MEGF11: variants seen among roughly 807,000 people sequenced by gnomAD.
MEGF11 encodes multiple EGF like domains 11.
MEGF11 carries 126 observed loss-of-function variants against 146.6 expected under a neutral mutation model. The observed-to-expected ratio is 0.86, with a 90% CI of 0.74 to 1.00. The LOEUF is 1.00. MEGF11 is among the 50% of genes least tolerant of loss of function. The pLI, the probability that MEGF11 is intolerant of heterozygous loss-of-function variation, is 0.00. For synonymous variants in MEGF11, 532 were observed against 583.4 expected (o/e 0.91, Z 1.27); for missense variants, 1,509 against 1,521.2 (o/e 0.99, Z 0.13).
chr15:66,140,640 C>T (rs145200825), intron 1 of MEGF11, among the ~76,000 whole-genome samples: 109 of 152,246 alleles, frequency 7.2e-4, no homozygotes, highest in African/African-American at 2.2e-3. Context: ...GTAGGAAGAA[C>T]GGGAGGCAAG....
intron 4 of MEGF11, among the ~76,000 whole-genome samples, chr15:66,101,283 C>T (rs1481938393): frequency 2.0e-5 from 3 of 152,126 alleles, no homozygotes; most frequent in South Asian, 4.1e-4. Flanking sequence ...CGGACGGCTG[C>T]CCTCTCATCT....
In MEGF11 at chr15:65,982,320, G is replaced by C. The variant is rs1417477674; in HGVS notation, c.563C>G (p.Pro188Arg). 1 of 1,530,852 alleles carries C rather than the reference G, an allele frequency of 6.5e-7. No homozygotes were observed. The allele number at this position is 1,530,852 out of a possible 1,614,324, so 94.8% of individuals were successfully genotyped here. A position where few individuals can be genotyped will look rare whatever the true frequency, so the allele number is the denominator to read the frequency against. Residue 188 changes from proline (P) to arginine (R), a missense_variant, in exon 6 of 26, where the codon CCG becomes CGG. By Grantham distance (103) the Pro-to-Arg change is moderately radical (BLOSUM62 -2). Transcript: ENST00000395614. The surrounding 1 kb of genome is among the most constrained non-coding windows in gnomAD (Gnocchi z 5.6). ...PGTHGKGCQLPCQCRHGASCD... is the reference protein window; with the variant it reads ...PGTHGKGCQLRCQCRHGASCD... ...GCTGGCACCGTGTCGGCACTGGCAC[G>C]GCAGCTGGCATCCCTTGCCGTGGGT...
At chr15:65,939,260 T>TGGA (rs1241581793) in intron 10 of MEGF11, among the ~76,000 whole-genome samples, 1 of 152,108 alleles carries the variant, frequency 6.6e-6, no homozygotes, top group Non-Finnish European at 1.5e-5. Context: ...ATCCTTTTGT[T>TGGA]GGAGGAGTAG....
intron 15 of MEGF11, among the ~76,000 whole-genome samples, chr15:65,919,320 C>T (rs928552008): frequency 6.6e-6 from 1 of 152,230 alleles, no homozygotes; most frequent in South Asian, 2.1e-4. Context: ...GCACCAGACA[C>T]TGTTCAATGT....
chr15:66,135,770 G>T (rs1448075021), intron 1 of MEGF11, among the ~76,000 whole-genome samples: 16 of 152,188 alleles, frequency 1.1e-4, no homozygotes, highest in Non-Finnish European at 2.9e-5. Flanking sequence ...GGCTCAGAGA[G>T]CCATACTTCC....
At chr15:66,082,445 AAAAAAAAAAAAAAAAAAAAAAATCT>A (rs2085901744) in intron 5 of MEGF11, among the ~76,000 whole-genome samples, 4 of 110,964 alleles carry the variant, frequency 3.6e-5, no homozygotes, top group African/African-American at 1.1e-4. Flanking sequence ...AAAAAAAAAA[AAAAAAAAAAAAAAAAAAAAAAATCT>A]ATCTATCTAT....
At chr15:66,160,916 T>C (rs980026679) in intron 1 of MEGF11, among the ~76,000 whole-genome samples, 26 of 152,098 alleles carry the variant, frequency 1.7e-4, no homozygotes, top group African/African-American at 5.8e-4. Context: ...GCTGAGAAGC[T>C]GAAATCTGAG....
At chr15:66,252,519 C>G (rs1447425189) in intron 1 of MEGF11, among the ~76,000 whole-genome samples, 2 of 152,106 alleles carry the variant, frequency 1.3e-5, no homozygotes, top group African/African-American at 4.8e-5. Flanking sequence ...TGCGGGGCAC[C>G]GATCCCGAGA....
intron 10 of MEGF11, among the ~76,000 whole-genome samples, chr15:65,949,212 C>A (rs1433646967): frequency 6.6e-6 from 1 of 152,204 alleles, no homozygotes; most frequent in African/African-American, 2.4e-5. Flanking sequence ...GCACTCTGCC[C>A]AGCTGGGGGA....
chr15:66,045,631 T>A (rs1473681485), intron 5 of MEGF11, among the ~76,000 whole-genome samples: 1 of 152,174 alleles, frequency 6.6e-6, no homozygotes, highest in Non-Finnish European at 1.5e-5. Flanking sequence ...CACCTCCAAA[T>A]GAAACACAGA....
intron 1 of MEGF11, among the ~76,000 whole-genome samples, chr15:66,161,006 C>T (rs1331460110): frequency 6.6e-6 from 1 of 152,058 alleles, no homozygotes; most frequent in Non-Finnish European, 1.5e-5. Flanking sequence ...TAGGTGTGCC[C>T]ACGAGGACAG....
At chr15:66,206,310 G>A (rs956088712) in intron 1 of MEGF11, among the ~76,000 whole-genome samples, 5 of 152,056 alleles carry the variant, frequency 3.3e-5, no homozygotes, top group African/African-American at 1.2e-4. Flanking sequence ...TAACATCTGT[G>A]TCATCAGAAG....
chr15:66,113,778 G>C (rs1259137339), intron 4 of MEGF11, among the ~76,000 whole-genome samples: 2 of 152,172 alleles, frequency 1.3e-5, no homozygotes, highest in Non-Finnish European at 2.9e-5. Flanking sequence ...CTATTCTGGA[G>C]GTTGAGGCAG....
chr15:66,244,922 G>A (rs530463336), intron 1 of MEGF11, among the ~76,000 whole-genome samples: 29 of 152,238 alleles, frequency 1.9e-4, no homozygotes, highest in African/African-American at 6.7e-4. Context: ...TGGGTCCCAG[G>A]GGTCTTATAT....
At chr15:66,018,960 G>T (rs2082997594) in intron 5 of MEGF11, among the ~76,000 whole-genome samples, 1 of 152,244 alleles carries the variant, frequency 6.6e-6, no homozygotes, top group South Asian at 2.1e-4. Context: ...AGAGGGCAGA[G>T]TCATCTGCTC....
At chr15:65,998,683 A>G (rs2082271997) in intron 5 of MEGF11, among the ~76,000 whole-genome samples, 1 of 152,108 alleles carries the variant, frequency 6.6e-6, no homozygotes, top group African/African-American at 2.4e-5. Flanking sequence ...CATGCAGCTG[A>G]GAGTTATGGC....
intron 1 of MEGF11, among the ~76,000 whole-genome samples, chr15:66,185,643 G>C (rs1409852236): frequency 6.6e-6 from 1 of 152,194 alleles, no homozygotes; most frequent in Admixed American, 6.5e-5. Context: ...AGATGGAGGA[G>C]GTCACCCCAA....
chr15:66,080,239 C>G (rs2085790566), intron 5 of MEGF11, among the ~76,000 whole-genome samples: 1 of 152,212 alleles, frequency 6.6e-6, no homozygotes, highest in African/African-American at 2.4e-5. Flanking sequence ...TGAGTCTGTC[C>G]TCGCACTTCT....
chr15:66,016,170 G>C (rs1208241782), intron 5 of MEGF11, among the ~76,000 whole-genome samples: 1 of 152,080 alleles, frequency 6.6e-6, no homozygotes, highest in African/African-American at 2.4e-5. Flanking sequence ...GGCCAATCTT[G>C]TTTCAACTAT....
Sources: gnomAD v4.1 joint callset for allele counts (sites outside exome capture counted in the v4.1 genomes callset) on GRCh38, gnomAD v4.1.1 for gene constraint, Gnocchi (gnomAD v3.1) non-coding constraint, MANE v1.5 for transcripts, NCBI Gene and HGNC (gene_info 2026-07-23, HGNC 2026-07-21) for gene names.